Variants in CACNA2D3 observed in about 807,000 individuals in gnomAD.
The protein encoded by CACNA2D3 is calcium voltage-gated channel auxiliary subunit alpha2delta 3.
In CACNA2D3, 60 loss-of-function variants were observed where a neutral mutation model predicts 160.6. The observed-to-expected ratio is 0.37, with a 90% CI of 0.30 to 0.46. The LOEUF is 0.46. Among genes scored for constraint, CACNA2D3 ranks in the 20% least tolerant of loss-of-function variants. The pLI is 1.00. For synonymous variants in CACNA2D3, 558 were observed against 492.9 expected, an observed-to-expected ratio of 1.13 and a Z score of -1.75; for missense variants, 1,205 against 1,365.0, an observed-to-expected ratio of 0.88 and a Z score of 1.85.
intron 4 of CACNA2D3, among the ~76,000 whole-genome samples, chr3:54,422,523 A>G (rs1206207940): frequency 6.6e-6 from 1 of 152,226 alleles, no homozygotes; most frequent in Non-Finnish European, 1.5e-5. Flanking sequence ...AAGAAACAGT[A>G]GATATATAGG....
intron 29 of CACNA2D3, among the ~76,000 whole-genome samples, chr3:54,977,551 G>C (rs1702417889): frequency 6.6e-6 from 1 of 152,214 alleles, no homozygotes; most frequent in Admixed American, 6.5e-5. Context: ...TGTTGGAGTA[G>C]GGACTAAGTT....
chr3:54,729,255 A>G (rs761932979), intron 11 of CACNA2D3, among the ~76,000 whole-genome samples: 1 of 152,130 alleles, frequency 6.6e-6, no homozygotes, highest in Non-Finnish European at 1.5e-5. Context: ...AAATGCTATG[A>G]GAGGGGAATG....
chr3:54,208,647 C>T (rs543706358), intron 2 of CACNA2D3, among the ~76,000 whole-genome samples: 48 of 152,242 alleles, frequency 3.2e-4, no homozygotes, highest in Admixed American at 1.6e-3. Context: ...GGAGTATAGC[C>T]GTGCTTCTTT....
intron 13 of CACNA2D3, among the ~76,000 whole-genome samples, chr3:54,782,685 C>T (rs1038184487): frequency 1.3e-5 from 2 of 151,954 alleles, no homozygotes; most frequent in African/African-American, 2.4e-5. Flanking sequence ...AAGCATCATG[C>T]CATGCTTGAG....
At chr3:54,414,694 T>A (rs937405268) in intron 4 of CACNA2D3, among the ~76,000 whole-genome samples, 3 of 151,982 alleles carry the variant, frequency 2.0e-5, no homozygotes, top group African/African-American at 7.2e-5. Context: ...CTATTGTGAC[T>A]ATAAGTCTTA....
At chr3:54,321,940 A>AAC (rs1575394019) in intron 3 of CACNA2D3, among the ~76,000 whole-genome samples, 1 of 152,160 alleles carries the variant, frequency 6.6e-6, no homozygotes, top group East Asian at 1.9e-4. Context: ...AAAAAAAAAA[A>AAC]AACTAGTAAC....
intron 13 of CACNA2D3, among the ~76,000 whole-genome samples, chr3:54,792,281 C>T (rs1348469227): frequency 6.6e-6 from 1 of 152,120 alleles, no homozygotes; most frequent in Non-Finnish European, 1.5e-5. Context: ...TCAGGGAGCC[C>T]TCTCACTCAG....
chr3:55,041,487 T>C (rs964215031), intron 35 of CACNA2D3, among the ~76,000 whole-genome samples: 1 of 152,214 alleles, frequency 6.6e-6, no homozygotes, highest in African/African-American at 2.4e-5. Flanking sequence ...TAACTTATTG[T>C]AGTTCCAATT....
At chr3:54,225,563 T>C (rs1450884988) in intron 2 of CACNA2D3, among the ~76,000 whole-genome samples, 2 of 152,230 alleles carry the variant, frequency 1.3e-5, no homozygotes. Context: ...TGACATTCTT[T>C]AACATTGTAT....
chr3:54,330,207 GATATGT>G (rs1251753275), intron 3 of CACNA2D3, among the ~76,000 whole-genome samples: 46 of 110,778 alleles, frequency 4.2e-4, no homozygotes, highest in African/African-American at 1.6e-3. Context: ...CTTTTTAATT[GATATGT>G]GTGTGTGTGT....
At chr3:54,942,989 A>T (rs961010347) in intron 27 of CACNA2D3, among the ~76,000 whole-genome samples, 1 of 152,098 alleles carries the variant, frequency 6.6e-6, no homozygotes, top group Admixed American at 6.5e-5. Context: ...GTGCCACTGC[A>T]CTCCAGCCTG....
At chr3:54,894,501 A>G (rs938309302) in intron 25 of CACNA2D3, 3 of 457,896 alleles carry the variant, frequency 6.6e-6, no homozygotes, top group African/African-American at 6.0e-5. Context: ...ATACCTTCTA[A>G]CCAAGCCACC....
chr3:54,795,511 A>G lies in CACNA2D3; in HGVS notation c.1381-21342A>G, dbSNP rs574720841. Among the ~76,000 whole-genome samples the G allele has an allele frequency of 1.8e-3, 270 of 152,246 alleles. 9 individuals carry two copies. The South Asian group carries it at 0.054, about 31-fold the overall frequency. Reference sequence around the variant, plus strand: ...GTTTCTGAGTGTCTGGATTTTGTCTATTTTAAAGGAATGTTGAGTTTTGTT... The same window carrying G: ...GTTTCTGAGTGTCTGGATTTTGTCTGTTTTAAAGGAATGTTGAGTTTTGTT... On this transcript the variant is annotated intron_variant, in intron 13 of 37. Transcript: ENST00000474759.
At chr3:54,507,483 G>T (rs1450917969) in intron 5 of CACNA2D3, among the ~76,000 whole-genome samples, 2 of 152,110 alleles carry the variant, frequency 1.3e-5, no homozygotes, top group Non-Finnish European at 2.9e-5. Context: ...CTTTACCCCT[G>T]CCCATGCTCT....
At chr3:54,210,639 C>G (rs1053064930) in intron 2 of CACNA2D3, among the ~76,000 whole-genome samples, 2 of 152,104 alleles carry the variant, frequency 1.3e-5, no homozygotes, top group African/African-American at 4.8e-5. Flanking sequence ...TGCGGGCCAT[C>G]ATGTCCTGGA....
intron 10 of CACNA2D3, among the ~76,000 whole-genome samples, chr3:54,633,390 T>G (rs1331724033): frequency 6.6e-6 from 1 of 152,172 alleles, no homozygotes; most frequent in Non-Finnish European, 1.5e-5. Flanking sequence ...AAGATAATGA[T>G]AGCGTTGGAA....
At chr3:54,421,218 G>A (rs1222918687) in intron 4 of CACNA2D3, among the ~76,000 whole-genome samples, 1 of 152,216 alleles carries the variant, frequency 6.6e-6, no homozygotes, top group African/African-American at 2.4e-5. Context: ...CAAGGGCCTT[G>A]TGTGCTTCTT....
chr3:54,418,927 T>G (rs963377138), intron 4 of CACNA2D3, among the ~76,000 whole-genome samples: 1 of 152,210 alleles, frequency 6.6e-6, no homozygotes, highest in African/African-American at 2.4e-5. Flanking sequence ...CTACCTCCTT[T>G]GTAGACTGTG....
At chr3:54,760,840 G>A (rs1361550939) in intron 12 of CACNA2D3, among the ~76,000 whole-genome samples, 1 of 152,168 alleles carries the variant, frequency 6.6e-6, no homozygotes. Flanking sequence ...ACTGGGAGAG[G>A]AATGGATTTG....
Sources: allele counts gnomAD v4.1 joint callset (sites outside exome capture counted in the v4.1 genomes callset), GRCh38; gene constraint gnomAD v4.1.1; transcripts MANE v1.5; gene names NCBI Gene and HGNC (gene_info 2026-07-23, HGNC 2026-07-21).